Variants in MYRIP observed in about 807,000 individuals in gnomAD.
MYRIP encodes the protein myosin VIIA and Rab interacting protein, also known as rab effector MyRIP.
A neutral mutation model predicts 98.0 loss-of-function variants in MYRIP; 49 were observed. The observed-to-expected ratio is 0.50, with a 90% CI of 0.40 to 0.63. MYRIP has a LOEUF of 0.63. Ranked by LOEUF, MYRIP falls within the 30% of genes least tolerant of loss-of-function variation. MYRIP has a pLI of 0.00. For synonymous variants in MYRIP, 404 were observed against 409.5 expected, an observed-to-expected ratio of 0.99 and a Z score of 0.16; for missense variants, 1,004 against 1,058.2, an observed-to-expected ratio of 0.95 and a Z score of 0.71.
chr3:39,859,696 G>T (rs1243423839), intron 1 of MYRIP, among the ~76,000 whole-genome samples: 5 of 152,182 alleles, frequency 3.3e-5, no homozygotes, highest in Admixed American at 6.5e-5. Flanking sequence ...TCTTATCCCT[G>T]ATATGCAAGG....
chr3:39,974,595 C>CA (rs1236182573), intron 2 of MYRIP, among the ~76,000 whole-genome samples: 4 of 151,682 alleles, frequency 2.6e-5, no homozygotes, highest in Admixed American at 6.6e-5. Flanking sequence ...AGAGACACAC[C>CA]AAAAAAAGAA....
intron 1 of MYRIP, among the ~76,000 whole-genome samples, chr3:39,815,266 G>C (rs181532214): frequency 6.6e-6 from 1 of 152,188 alleles, no homozygotes; most frequent in African/African-American, 2.4e-5. Context: ...CATATAAATG[G>C]AATCATACAA....
chr3:40,084,316 T>G (rs1302953396), intron 3 of MYRIP, among the ~76,000 whole-genome samples: 1 of 146,592 alleles, frequency 6.8e-6, no homozygotes, highest in East Asian at 2.0e-4. Flanking sequence ...ATCTATGTAT[T>G]ATATATCGAT....
chr3:40,182,259 C>T lies in MYRIP; in HGVS notation c.913C>T (p.Leu305=), dbSNP rs200729271. Residue 305 remains leucine, a synonymous_variant, in exon 9 of 17, where the codon CTG becomes TTG. Coordinates refer to ENST00000302541, the MANE Select transcript of MYRIP (RefSeq NM_015460.4). ...SAFSITGEEA[L]KTPPVEAPSR... is the part of the protein sequence containing the mutation. The stretch of plus-strand genomic sequence containing the variant: ...CTTCTCAATCACTGGAGAAGAAGCC[C>T]TGAAGACCCCTCCAGTGGAGGCTCC... 32 of 1,613,780 alleles carry T rather than the reference C, an allele frequency of 2.0e-5. No individual in the cohort carries two copies. In the East Asian group the frequency reaches 5.6e-4, roughly 28 times the overall value.
At chr3:39,972,596 G>T (rs551611991) in intron 2 of MYRIP, among the ~76,000 whole-genome samples, 12 of 151,866 alleles carry the variant, frequency 7.9e-5, no homozygotes, top group African/African-American at 2.9e-4. Context: ...CTGTTATTTC[G>T]ACATTTTGTA....
intron 3 of MYRIP, among the ~76,000 whole-genome samples, chr3:40,051,836 C>T (rs981498901): frequency 3.9e-5 from 6 of 152,092 alleles, no homozygotes; most frequent in Non-Finnish European, 7.4e-5. Flanking sequence ...CCACATACCT[C>T]ATAAATTGCA....
intron 3 of MYRIP, among the ~76,000 whole-genome samples, chr3:40,133,411 T>C (rs1468623378): frequency 6.6e-6 from 1 of 152,212 alleles, no homozygotes; most frequent in African/African-American, 2.4e-5. Context: ...GGACCAATCA[T>C]GGGCCCTTCT....
intron 2 of MYRIP, among the ~76,000 whole-genome samples, chr3:39,997,563 G>T (rs1175083327): frequency 6.6e-6 from 1 of 152,094 alleles, no homozygotes; most frequent in Non-Finnish European, 1.5e-5. Context: ...ACCAAAAAAA[G>T]TCCAGGACCA....
At chr3:40,074,774 TA>T (rs1203158840) in intron 3 of MYRIP, among the ~76,000 whole-genome samples, 2 of 152,044 alleles carry the variant, frequency 1.3e-5, no homozygotes, top group African/African-American at 2.4e-5. Context: ...AACTCAACCA[TA>T]AGAAAACAAC....
intron 1 of MYRIP, among the ~76,000 whole-genome samples, chr3:39,889,500 A>T (rs1279318447): frequency 6.6e-6 from 1 of 152,106 alleles, no homozygotes; most frequent in African/African-American, 2.4e-5. Flanking sequence ...GGACACAGGA[A>T]GGGGAACATC....
Position 40,041,022 on chromosome 3 carries a change from G to GAAAAA in MYRIP, c.111-3012_111-3008dup. Among the ~76,000 whole-genome samples the GAAAAA allele has an allele frequency of 1.3e-3, 53 of 41,196 alleles. 2 individuals carry two copies. Among genetic ancestry groups the GAAAAA allele is most frequent in the Middle Eastern group, 0.045 (2 of 44 alleles). The allele number at this position is 41,196 out of a possible 152,430, so 27.0% of individuals were successfully genotyped here. A position where few individuals can be genotyped will look rare whatever the true frequency, so the allele number is the denominator to read the frequency against. Reference sequence around the variant, plus strand: ...AAAAAAAAAGAAAATATTACCAGCAGAAAAAAAAAAAAAAAAAAAATCAAA... The same window carrying GAAAAA: ...AAAAAAAAAGAAAATATTACCAGCAGAAAAAAAAAAAAAAAAAAAAAAAAATCAAA... On this transcript the variant is annotated intron_variant, in intron 2 of 16. Transcript: ENST00000302541.
chr3:39,853,661 T>C (rs1399105429), intron 1 of MYRIP, among the ~76,000 whole-genome samples: 1 of 152,166 alleles, frequency 6.6e-6, no homozygotes, highest in Non-Finnish European at 1.5e-5. Context: ...TATTAGTTTT[T>C]TCAGATGTAT....
intron 1 of MYRIP, among the ~76,000 whole-genome samples, chr3:39,886,545 T>A (rs1943308862): frequency 1.3e-5 from 2 of 151,680 alleles, no homozygotes; most frequent in Admixed American, 1.3e-4. Flanking sequence ...AATCCTAGTC[T>A]CTGATAAAAC....
intron 2 of MYRIP, among the ~76,000 whole-genome samples, chr3:40,034,975 A>G (rs1947344947): frequency 6.6e-6 from 1 of 151,050 alleles, no homozygotes. Context: ...TCGCACAGAC[A>G]AAAAACCAAA....
At chr3:39,894,478 T>C (rs562091624) in intron 1 of MYRIP, among the ~76,000 whole-genome samples, 1 of 152,356 alleles carries the variant, frequency 6.6e-6, no homozygotes, top group Non-Finnish European at 1.5e-5. Flanking sequence ...AGTGTTCCCG[T>C]GGGTGAATAT....
intron 8 of MYRIP, among the ~76,000 whole-genome samples, chr3:40,177,625 G>A (rs760328333): frequency 2.1e-4 from 32 of 152,146 alleles, no homozygotes; most frequent in Admixed American, 5.9e-4. Context: ...CTCATTGTGC[G>A]CTCTCTGCCA....
chr3:39,828,241 G>C (rs1219289404), intron 1 of MYRIP, among the ~76,000 whole-genome samples: 1 of 151,682 alleles, frequency 6.6e-6, no homozygotes, highest in African/African-American at 2.4e-5. Context: ...TTTGCTTAGT[G>C]GTGTTCCATA....
At chr3:40,073,559 C>T (rs1427285924) in intron 3 of MYRIP, among the ~76,000 whole-genome samples, 2 of 152,202 alleles carry the variant, frequency 1.3e-5, no homozygotes, top group Non-Finnish European at 2.9e-5. Context: ...TACCTAATGA[C>T]GGTGTTGCTC....
At chr3:40,184,813 A>G (rs1036177852) in intron 9 of MYRIP, among the ~76,000 whole-genome samples, 1 of 152,238 alleles carries the variant, frequency 6.6e-6, no homozygotes, top group Non-Finnish European at 1.5e-5. Flanking sequence ...TTTCAATTGT[A>G]TATAAACATA....
Sources: gnomAD v4.1 joint callset for allele counts (sites outside exome capture counted in the v4.1 genomes callset) on GRCh38, gnomAD v4.1.1 for gene constraint, MANE v1.5 for transcripts, NCBI Gene and HGNC (gene_info 2026-07-23, HGNC 2026-07-21) for gene names.